The following SLC24A2 variants were observed in gnomAD, a reference collection of about 807,000 sequenced individuals.
SLC24A2 encodes the protein sodium/potassium/calcium exchanger 2.
SLC24A2 carries 36 observed loss-of-function variants against 62.0 expected under a neutral mutation model. The observed-to-expected ratio is 0.58, with a 90% CI of 0.44 to 0.77. SLC24A2 has a LOEUF of 0.77. Among genes scored for constraint, SLC24A2 ranks in the 30% least tolerant of loss-of-function variants. The pLI, the probability that SLC24A2 is intolerant of heterozygous loss-of-function variation, is 0.00. For missense variants in SLC24A2, 846 were observed against 817.9 expected (o/e 1.03, Z -0.42); for synonymous variants, 358 against 294.0 (o/e 1.22, Z -2.23).
chr9:20,135,755 T>G, the SLC24A2 span, among the ~76,000 whole-genome samples: 2 of 152,108 alleles, frequency 1.3e-5, no homozygotes, highest in Admixed American at 1.3e-4. Flanking sequence ...TTTCTGAGAA[T>G]GCATTTCTGT....
the SLC24A2 span, among the ~76,000 whole-genome samples, chr9:20,307,198 AATT>A: frequency 1.3e-5 from 2 of 152,304 alleles, no homozygotes; most frequent in African/African-American, 2.4e-5. Context: ...ACAAAAAAAC[AATT>A]ATTATTAAAT....
At chr9:20,299,858 T>A in the SLC24A2 span, among the ~76,000 whole-genome samples, 1 of 152,228 alleles carries the variant, frequency 6.6e-6, no homozygotes, top group African/African-American at 2.4e-5. Flanking sequence ...AGTGCATTGC[T>A]CTTTTCACTA....
At chr9:19,574,891 T>G (rs2891134) in intron 6 of SLC24A2, among the ~76,000 whole-genome samples, 139,554 of 152,260 alleles carry the variant, frequency 0.92, 64,025 homozygotes, top group East Asian at 1. Context: ...TGTCAGGGTT[T>G]CTGGGGGTAT....
At chr9:20,008,463 T>C in the SLC24A2 span, among the ~76,000 whole-genome samples, 37 of 152,298 alleles carry the variant, frequency 2.4e-4, no homozygotes, top group South Asian at 7.3e-3. Flanking sequence ...TGCTGAAGGA[T>C]AACTGTATCT....
intron 10 of SLC24A2, among the ~76,000 whole-genome samples, chr9:19,518,898 AAT>A (rs984556400): frequency 6.6e-6 from 1 of 152,188 alleles, no homozygotes; most frequent in African/African-American, 2.4e-5. Flanking sequence ...TTGGAAAAGA[AAT>A]GTACAAGACA....
At chr9:19,911,171 A>G in the SLC24A2 span, among the ~76,000 whole-genome samples, 6 of 146,856 alleles carry the variant, frequency 4.1e-5, no homozygotes, top group Non-Finnish European at 5.9e-5. Flanking sequence ...TGCGGTGTTT[A>G]GTTTTTTGTC....
chr9:20,277,032 C>T, the SLC24A2 span, among the ~76,000 whole-genome samples: 11 of 152,304 alleles, frequency 7.2e-5, no homozygotes, highest in South Asian at 1.4e-3. Flanking sequence ...GACATGTTCC[C>T]CATTGTCTTG....
In SLC24A2 at chr9:19,550,186, A is replaced by G. The variant is rs577897150; in HGVS notation, c.1430T>C (p.Phe477Ser). 6.2e-7 allele frequency: 1 copy of G among 1,614,176 alleles called. No individual in the cohort carries two copies. The highest frequency in any genetic ancestry group is 1.3e-5 in the African/African-American group (1 of 75,062). ...TRKQVTFLIV[F>S]PIVFPLWITL... ...AATCCAGAGAGGAAACACTATGGGG[A>G]AAACAATCAGAAACGTGACTTGCTT... is the stretch of plus-strand genomic sequence containing the variant. The change falls in exon 8 of 11, where the codon TTC (phenylalanine) becomes TCC (serine). Residue 477 changes from phenylalanine (F) to serine (S), a missense_variant. Physicochemically the swap from Phe to Ser is radical, Grantham distance 155 (BLOSUM62 -2). Transcript: ENST00000341998.
At chr9:20,035,946 C>T in the SLC24A2 span, among the ~76,000 whole-genome samples, 27 of 151,710 alleles carry the variant, frequency 1.8e-4, no homozygotes, top group African/African-American at 5.8e-4. Flanking sequence ...TAATTTGGCT[C>T]GGATAGGAGT....
At chr9:19,883,569 T>C in the SLC24A2 span, among the ~76,000 whole-genome samples, 1 of 11,530 alleles carries the variant, frequency 8.7e-5, no homozygotes, top group Non-Finnish European at 2.0e-4. Flanking sequence ...TTTCTGTACA[T>C]TGTTTTTTTT....
chr9:20,038,847 G>C, the SLC24A2 span, among the ~76,000 whole-genome samples: 1 of 152,166 alleles, frequency 6.6e-6, no homozygotes, highest in Non-Finnish European at 1.5e-5. Flanking sequence ...CTGCTGCTAA[G>C]GAGGCAGGAA....
the SLC24A2 span, among the ~76,000 whole-genome samples, chr9:19,874,075 C>CTTTTTTT: frequency 2.3e-4 from 25 of 107,234 alleles, no homozygotes; most frequent in South Asian, 6.0e-4. Context: ...CTTTTCTTTT[C>CTTTTTTT]TTTTTTTTTT....
the SLC24A2 span, among the ~76,000 whole-genome samples, chr9:20,169,214 T>G: frequency 2.0e-5 from 3 of 152,074 alleles, no homozygotes; most frequent in Middle Eastern, 0.01. Flanking sequence ...TAGTGTTTAA[T>G]GAGTACAGAG....
the SLC24A2 span, among the ~76,000 whole-genome samples, chr9:20,049,731 A>C: frequency 2.0e-5 from 3 of 151,658 alleles, no homozygotes; most frequent in Non-Finnish European, 4.4e-5. Context: ...CATAGAGGAA[A>C]CCAAAAGGTT....
chr9:20,281,314 T>A, the SLC24A2 span, among the ~76,000 whole-genome samples: 1 of 152,232 alleles, frequency 6.6e-6, no homozygotes, highest in Admixed American at 6.5e-5. Flanking sequence ...AAACTTTTTA[T>A]ACTTTTTATT....
intron 2 of SLC24A2, among the ~76,000 whole-genome samples, chr9:19,766,948 G>A (rs576326183): frequency 1.2e-3 from 184 of 152,284 alleles, no homozygotes; most frequent in African/African-American, 4.1e-3. Context: ...TTATCTATAA[G>A]TCCCTGACTG....
intron 2 of SLC24A2, among the ~76,000 whole-genome samples, chr9:19,683,536 CTT>C (rs74320355): frequency 1.4e-5 from 2 of 143,136 alleles, no homozygotes. Context: ...GTGCTCTGAA[CTT>C]TTTTTTTTTT....
At chr9:19,734,761 T>A (rs577991179) in intron 2 of SLC24A2, among the ~76,000 whole-genome samples, 1 of 143,228 alleles carries the variant, frequency 7.0e-6, no homozygotes, top group East Asian at 2.1e-4. Flanking sequence ...AAGTTGCCTA[T>A]CAGCTTAAGG....
chr9:20,109,113 A>G, the SLC24A2 span, among the ~76,000 whole-genome samples: 1 of 152,192 alleles, frequency 6.6e-6, no homozygotes, highest in African/African-American at 2.4e-5. Flanking sequence ...AGAGTATTCC[A>G]TACAGCCTAG....
Sources: allele counts gnomAD v4.1 joint callset (sites outside exome capture counted in the v4.1 genomes callset), GRCh38; gene constraint gnomAD v4.1.1; transcripts MANE v1.5; gene names NCBI Gene and HGNC (gene_info 2026-07-23, HGNC 2026-07-21).